The following NELL1 variants were observed in gnomAD, a reference collection of about 807,000 sequenced individuals.
NELL1 encodes protein kinase C-binding protein NELL1.
Under a neutral mutation model 107.4 loss-of-function variants are expected in NELL1, and 76 were observed. The observed-to-expected ratio is 0.71, with a 90% CI of 0.59 to 0.86. The LOEUF is 0.86. Ranked by LOEUF, NELL1 falls within the 40% of genes least tolerant of loss-of-function variation. The pLI is 0.00. For synonymous variants in NELL1, 353 were observed against 341.2 expected, an observed-to-expected ratio of 1.03 and a Z score of -0.38; for missense variants, 1,024 against 1,005.5, an observed-to-expected ratio of 1.02 and a Z score of -0.25.
At chr11:21,344,247 A>G (rs376106493) in intron 14 of NELL1, among the ~76,000 whole-genome samples, 3 of 152,206 alleles carry the variant, frequency 2.0e-5, no homozygotes, top group East Asian at 3.9e-4. Flanking sequence ...GAATTTTTCA[A>G]TCAATACTCA....
chr11:21,248,952 A>T (rs1435711007), intron 14 of NELL1, among the ~76,000 whole-genome samples: 1 of 152,100 alleles, frequency 6.6e-6, no homozygotes, highest in Non-Finnish European at 1.5e-5. Flanking sequence ...AGGCTGTCTG[A>T]GGAGGAAGCC....
At chr11:20,691,844 G>A (rs567803565) in intron 2 of NELL1, among the ~76,000 whole-genome samples, 2 of 152,096 alleles carry the variant, frequency 1.3e-5, no homozygotes, top group African/African-American at 4.8e-5. Flanking sequence ...GATTGGAATA[G>A]TTTCAGAAGG....
intron 12 of NELL1, among the ~76,000 whole-genome samples, chr11:21,078,551 A>G (rs1854194541): frequency 6.6e-6 from 1 of 152,168 alleles, no homozygotes; most frequent in Non-Finnish European, 1.5e-5. Context: ...GGGAAAATGA[A>G]TGCATATTAA....
intron 4 of NELL1, among the ~76,000 whole-genome samples, chr11:20,854,923 G>A (rs1429787048): frequency 2.0e-5 from 3 of 152,240 alleles, no homozygotes; most frequent in African/African-American, 7.2e-5. Context: ...TAAAGATATA[G>A]ATGGCCAATA....
chr11:20,753,643 A>G (rs967287733), intron 2 of NELL1, among the ~76,000 whole-genome samples: 3 of 152,224 alleles, frequency 2.0e-5, no homozygotes, highest in Non-Finnish European at 4.4e-5. Flanking sequence ...TGGCTTAAGT[A>G]AAAGGGAGAA....
intron 14 of NELL1, among the ~76,000 whole-genome samples, chr11:21,308,951 A>C (rs1274309648): frequency 6.6e-6 from 1 of 151,938 alleles, no homozygotes; most frequent in African/African-American, 2.4e-5. Context: ...TGCCTTGAAA[A>C]AAAAGCAAAG....
chr11:21,249,755 A>G (rs1384839178), intron 14 of NELL1, among the ~76,000 whole-genome samples: 1 of 152,200 alleles, frequency 6.6e-6, no homozygotes, highest in East Asian at 1.9e-4. Flanking sequence ...ACTTTAAAAC[A>G]TGAGAGGAAA....
At chr11:21,563,681 T>C (rs1353038909) in intron 17 of NELL1, among the ~76,000 whole-genome samples, 28 of 152,022 alleles carry the variant, frequency 1.8e-4, no homozygotes, top group Admixed American at 1.8e-3. Flanking sequence ...TACTATGCCA[T>C]TTTATAAGGG....
At chr11:21,479,909 CT>C (rs11287651) in intron 15 of NELL1, among the ~76,000 whole-genome samples, 133,352 of 152,100 alleles carry the variant, frequency 0.88, 58,515 homozygotes, top group East Asian at 0.97. Flanking sequence ...ACAGTCTTGT[CT>C]TTTTTTCCTC....
chr11:20,859,325 G>A (rs1169367828), intron 4 of NELL1, among the ~76,000 whole-genome samples: 1 of 152,190 alleles, frequency 6.6e-6, no homozygotes, highest in Non-Finnish European at 1.5e-5. Context: ...AGGCTTATGT[G>A]TGTTGTTTTT....
intron 14 of NELL1, among the ~76,000 whole-genome samples, chr11:21,254,814 C>G (rs1858728260): frequency 6.6e-6 from 1 of 152,082 alleles, no homozygotes; most frequent in Non-Finnish European, 1.5e-5. Flanking sequence ...TCTGAAAAAG[C>G]CCAGCTGTGC....
chr11:21,325,282 G>C (rs1399621268), intron 14 of NELL1, among the ~76,000 whole-genome samples: 1 of 151,934 alleles, frequency 6.6e-6, no homozygotes, highest in Admixed American at 6.6e-5. Context: ...TAAACATTTA[G>C]GTTGTTTCTG....
chr11:21,388,385 AT>A (rs1203855502), intron 15 of NELL1, among the ~76,000 whole-genome samples: 3 of 151,854 alleles, frequency 2.0e-5, no homozygotes, highest in Non-Finnish European at 2.9e-5. Context: ...AGTAGGTAAT[AT>A]AAATTAGTAG....
At chr11:21,001,476 A>C (rs1852219587) in intron 12 of NELL1, among the ~76,000 whole-genome samples, 1 of 151,818 alleles carries the variant, frequency 6.6e-6, no homozygotes, top group African/African-American at 2.4e-5. Flanking sequence ...TGATGGAAGC[A>C]GCCCTGGGCA....
chr11:21,520,448 T>C (rs1238045048), intron 15 of NELL1, among the ~76,000 whole-genome samples: 3 of 152,066 alleles, frequency 2.0e-5, no homozygotes, highest in African/African-American at 7.2e-5. Flanking sequence ...CTTTGACAGA[T>C]TTAAAATGAT....
intron 15 of NELL1, among the ~76,000 whole-genome samples, chr11:21,411,929 G>A (rs547969959): frequency 6.6e-6 from 1 of 152,150 alleles, no homozygotes; most frequent in South Asian, 2.1e-4. Context: ...GAATGATTTG[G>A]AGGTTTGTAC....
intron 14 of NELL1, among the ~76,000 whole-genome samples, chr11:21,230,932 G>A (rs1398490889): frequency 6.6e-6 from 1 of 152,076 alleles, no homozygotes; most frequent in Non-Finnish European, 1.5e-5. Context: ...TGAAGAGGGG[G>A]AAATGTGCAT....
intron 14 of NELL1, among the ~76,000 whole-genome samples, chr11:21,275,990 C>T (rs189361771): frequency 0.012 from 1,873 of 152,216 alleles, 21 homozygotes; most frequent in Non-Finnish European, 0.021. Context: ...AAAACTGGCA[C>T]AAGACAGGGA....
chr11:21,325,644 G>T (rs998577760), intron 14 of NELL1, among the ~76,000 whole-genome samples: 1 of 151,816 alleles, frequency 6.6e-6, no homozygotes, highest in African/African-American at 2.4e-5. Flanking sequence ...AGGCAAAATT[G>T]CATACAGTGA....
Sources: gnomAD v4.1 joint callset for allele counts (sites outside exome capture counted in the v4.1 genomes callset) on GRCh38, gnomAD v4.1.1 for gene constraint, MANE v1.5 for transcripts, NCBI Gene and HGNC (gene_info 2026-07-23, HGNC 2026-07-21) for gene names.